Variants in FUT8 observed in about 807,000 individuals in gnomAD.
FUT8 encodes the protein alpha-(1,6)-fucosyltransferase.
FUT8 carries 29 observed loss-of-function variants against 71.3 expected under a neutral mutation model. The ratio of observed to expected loss-of-function variants is 0.41; its 90% CI spans 0.30 to 0.55. The LOEUF (loss-of-function observed/expected upper bound fraction) is 0.55, where lower values mean the gene tolerates loss of function less well. Ranked by LOEUF, FUT8 falls within the 20% of genes least tolerant of loss-of-function variation. The probability of loss-of-function intolerance (pLI) is 0.34; values close to 1 mark genes in which losing one functional copy is unlikely to be tolerated. For synonymous variants in FUT8, 254 were observed against 239.3 expected, an observed-to-expected ratio of 1.06 and a Z score of -0.57; for missense variants, 544 against 702.1, an observed-to-expected ratio of 0.77 and a Z score of 2.55.
intron 7 of FUT8, among the ~76,000 whole-genome samples, chr14:65,684,073 C>T (rs558606155): frequency 1.3e-5 from 2 of 151,596 alleles, no homozygotes; most frequent in African/African-American, 2.4e-5. Flanking sequence ...CTTTGTTATA[C>T]GTTGGTGCAG....
chr14:65,619,334 G>A (rs775806948), intron 5 of FUT8, among the ~76,000 whole-genome samples: 62 of 152,138 alleles, frequency 4.1e-4, no homozygotes, highest in Admixed American at 3.3e-3. Flanking sequence ...AGCTGTGGGG[G>A]TAAGACTCCT....
intron 3 of FUT8, among the ~76,000 whole-genome samples, chr14:65,579,569 A>C (rs1339826773): frequency 6.6e-6 from 1 of 152,176 alleles, no homozygotes; most frequent in Non-Finnish European, 1.5e-5. Context: ...GCTGTATTTC[A>C]TGTGGGTCAT....
intron 3 of FUT8, among the ~76,000 whole-genome samples, chr14:65,605,682 C>T (rs1329783709): frequency 6.6e-6 from 1 of 151,960 alleles, no homozygotes; most frequent in African/African-American, 2.4e-5. Context: ...GTTTAAGCCA[C>T]CCATTTTATG....
chr14:65,581,937 C>G (rs1887114753), intron 3 of FUT8, among the ~76,000 whole-genome samples: 1 of 152,148 alleles, frequency 6.6e-6, no homozygotes, highest in Admixed American at 6.6e-5. Context: ...GACATTTTGA[C>G]AGATTTTAAT....
At chr14:65,520,873 A>G (rs1471388550) in intron 2 of FUT8, among the ~76,000 whole-genome samples, 1 of 152,178 alleles carries the variant, frequency 6.6e-6, no homozygotes, top group African/African-American at 2.4e-5. Flanking sequence ...ATACTTACCT[A>G]TGAGATCTCC....
chr14:65,714,402 T>C (rs1894951212), intron 7 of FUT8, among the ~76,000 whole-genome samples: 1 of 151,744 alleles, frequency 6.6e-6, no homozygotes, highest in Admixed American at 6.6e-5. Flanking sequence ...CCTGTGTCTT[T>C]TGTGGTTCCA....
At chr14:65,737,062 C>G (rs1000262009) in intron 10 of FUT8, among the ~76,000 whole-genome samples, 4 of 152,068 alleles carry the variant, frequency 2.6e-5, no homozygotes, top group African/African-American at 7.2e-5. Context: ...TGGAAAACTG[C>G]AGGCAAAAAT....
At chr14:65,569,829 C>T (rs1289961450) in intron 3 of FUT8, among the ~76,000 whole-genome samples, 1 of 151,848 alleles carries the variant, frequency 6.6e-6, no homozygotes, top group African/African-American at 2.4e-5. Context: ...GGAGATTGGG[C>T]TTAATATTTC....
chr14:65,440,122 G>A (rs886627813), intron 1 of FUT8, among the ~76,000 whole-genome samples: 1 of 151,362 alleles, frequency 6.6e-6, no homozygotes, highest in Non-Finnish European at 1.5e-5. Flanking sequence ...CAAATACTGC[G>A]TGGTCTCACT....
At chr14:65,735,374 A>C (rs1043683343) in intron 10 of FUT8, among the ~76,000 whole-genome samples, 3 of 152,162 alleles carry the variant, frequency 2.0e-5, no homozygotes, top group African/African-American at 7.2e-5. Context: ...GGTTTTATGC[A>C]TAATGTCAAC....
chr14:65,468,243 A>C (rs2066076999), intron 2 of FUT8: 1 of 624,836 alleles, frequency 1.6e-6, no homozygotes, highest in Admixed American at 1.8e-5. Context: ...CACCTTTCTT[A>C]TAGATTCGCA....
At chr14:65,616,120 T>C in intron 4 of FUT8, 27 bp downstream of exon 4, 1 of 1,604,824 alleles carries the variant, frequency 6.2e-7, no homozygotes, top group South Asian at 1.1e-5. Flanking sequence ...TGTTTTCCCC[T>C]CCTCAGTATA....
intron 3 of FUT8, among the ~76,000 whole-genome samples, chr14:65,563,492 A>G (rs1290967095): frequency 6.6e-6 from 1 of 152,004 alleles, no homozygotes; most frequent in Admixed American, 6.6e-5. Flanking sequence ...AACTCTGAAT[A>G]ACTGTATTGC....
the FUT8 span, among the ~76,000 whole-genome samples, chr14:65,381,848 C>T: frequency 6.6e-6 from 1 of 152,190 alleles, no homozygotes; most frequent in South Asian, 2.1e-4. Flanking sequence ...TAAAATCCAG[C>T]AACACTTTCT....
chr14:65,567,599 C>T (rs1886263776), intron 3 of FUT8, among the ~76,000 whole-genome samples: 1 of 151,910 alleles, frequency 6.6e-6, no homozygotes. Flanking sequence ...GTGTACAGCA[C>T]CTGCCATCTA....
At chr14:65,585,420 C>G (rs1380920554) in intron 3 of FUT8, among the ~76,000 whole-genome samples, 4 of 152,162 alleles carry the variant, frequency 2.6e-5, no homozygotes, top group Non-Finnish European at 5.9e-5. Context: ...GTGCTAGTCT[C>G]AAGCAGTCCT....
At chr14:65,376,286 G>A in the FUT8 span, among the ~76,000 whole-genome samples, 2 of 152,142 alleles carry the variant, frequency 1.3e-5, no homozygotes, top group Non-Finnish European at 2.9e-5. Context: ...TTCTGTTTTG[G>A]TGGAGAGAGA....
the FUT8 span, among the ~76,000 whole-genome samples, chr14:65,372,496 A>T: frequency 6.6e-6 from 1 of 151,492 alleles, no homozygotes; most frequent in Admixed American, 6.6e-5. Context: ...GCTCACTGCA[A>T]CCTCTGCCTC....
At chr14:65,490,061 T>G (rs989300889) in intron 2 of FUT8, among the ~76,000 whole-genome samples, 1 of 152,062 alleles carries the variant, frequency 6.6e-6, no homozygotes, top group African/African-American at 2.4e-5. Context: ...TAAACCTACT[T>G]TTGGTTATTA....
Sources: gnomAD v4.1 joint callset for allele counts (sites outside exome capture counted in the v4.1 genomes callset) on GRCh38, gnomAD v4.1.1 for gene constraint, MANE v1.5 for transcripts, NCBI Gene and HGNC (gene_info 2026-07-23, HGNC 2026-07-21) for gene names.